INTS9: variants seen among roughly 807,000 people sequenced by gnomAD.
INTS9 encodes the protein protein related to CPSF subunits of 74 kDa.
INTS9 carries 55 observed loss-of-function variants against 79.7 expected under a neutral mutation model. The ratio of observed to expected loss-of-function variants is 0.69; its 90% CI spans 0.56 to 0.86. The LOEUF is 0.86. INTS9 is among the 40% of genes least tolerant of loss of function. INTS9 has a pLI of 0.00. For synonymous variants in INTS9, 319 were observed against 325.2 expected, an observed-to-expected ratio of 0.98 and a Z score of 0.20; for missense variants, 721 against 831.5, an observed-to-expected ratio of 0.87 and a Z score of 1.64.
chr8:28,842,221 A>G (rs1047162089), intron 4 of INTS9, among the ~76,000 whole-genome samples: 2 of 152,190 alleles, frequency 1.3e-5, no homozygotes, highest in African/African-American at 4.8e-5. Context: ...AGGAGGAGGA[A>G]GACGAGGGGT....
intron 6 of INTS9, among the ~76,000 whole-genome samples, chr8:28,827,236 T>C (rs1806198068): frequency 1.3e-5 from 2 of 152,258 alleles, no homozygotes; most frequent in East Asian, 3.8e-4. Flanking sequence ...GATTTCATTG[T>C]TTTGCTTTGT....
At chr8:28,773,258 T>C (rs1269004495) in intron 14 of INTS9, among the ~76,000 whole-genome samples, 3 of 152,040 alleles carry the variant, frequency 2.0e-5, no homozygotes, top group Non-Finnish European at 4.4e-5. Context: ...GGTCAGGAGA[T>C]TGAGACCATC....
At chr8:28,768,903 C>G (rs758152576) in intron 16 of INTS9, among the ~76,000 whole-genome samples, 2 of 152,190 alleles carry the variant, frequency 1.3e-5, no homozygotes, top group Non-Finnish European at 2.9e-5. Flanking sequence ...GCTGCAGGCT[C>G]CCCTAGGGAC....
intron 1 of INTS9, among the ~76,000 whole-genome samples, chr8:28,880,476 G>T (rs1809665841): frequency 6.6e-6 from 1 of 152,070 alleles, no homozygotes; most frequent in Admixed American, 6.5e-5. Flanking sequence ...GGCCGGGCTG[G>T]TCTCCAGCTC....
intron 10 of INTS9, among the ~76,000 whole-genome samples, chr8:28,793,415 A>C (rs556558981): frequency 6.6e-6 from 1 of 152,302 alleles, no homozygotes; most frequent in East Asian, 1.9e-4. Flanking sequence ...AATTTTTAAA[A>C]ATCTAGTTTT....
At chr8:28,886,689 C>G (rs1171137761) in intron 1 of INTS9, among the ~76,000 whole-genome samples, 2 of 152,118 alleles carry the variant, frequency 1.3e-5, no homozygotes, top group Non-Finnish European at 2.9e-5. Flanking sequence ...CCTACCCTCA[C>G]TAAATAACAG....
intron 1 of INTS9, among the ~76,000 whole-genome samples, chr8:28,872,217 T>G (rs148096962): frequency 1.3e-5 from 2 of 152,224 alleles, no homozygotes; most frequent in African/African-American, 4.8e-5. Flanking sequence ...ACTTAGGAAT[T>G]TACAATAAAC....
intron 8 of INTS9, among the ~76,000 whole-genome samples, chr8:28,805,675 G>A (rs1299360552): frequency 2.0e-5 from 3 of 152,188 alleles, no homozygotes; most frequent in Non-Finnish European, 4.4e-5. Context: ...TAGGGGAGAT[G>A]AGGACAGTGT....
chr8:28,800,078 G>A (rs967810551), intron 8 of INTS9, among the ~76,000 whole-genome samples: 8 of 152,152 alleles, frequency 5.3e-5, no homozygotes, highest in Non-Finnish European at 1.0e-4. Flanking sequence ...ACTCCAAACT[G>A]AAAGTACTAT....
At chr8:28,882,959 C>A (rs149579313) in intron 1 of INTS9, among the ~76,000 whole-genome samples, 1 of 152,232 alleles carries the variant, frequency 6.6e-6, no homozygotes, top group African/African-American at 2.4e-5. Flanking sequence ...GACTTTCAAG[C>A]CAGTGCCTTT....
At chr8:28,885,295 A>C (rs1471880753) in intron 1 of INTS9, among the ~76,000 whole-genome samples, 1 of 152,248 alleles carries the variant, frequency 6.6e-6, no homozygotes, top group Non-Finnish European at 1.5e-5. Context: ...TAGTATAACA[A>C]GCATTTAAAT....
intron 6 of INTS9, among the ~76,000 whole-genome samples, chr8:28,827,347 C>A (rs1806209794): frequency 6.6e-6 from 1 of 152,016 alleles, no homozygotes; most frequent in Admixed American, 6.5e-5. Context: ...AAAAGCAGCA[C>A]ACTTTTGTGT....
intron 7 of INTS9, 132 bp downstream of exon 7, chr8:28,813,360 A>G (rs1585397916): frequency 2.3e-6 from 2 of 881,894 alleles, no homozygotes; most frequent in Non-Finnish European, 3.6e-6. Flanking sequence ...GGAACGGAGG[A>G]AAGAACAGAG....
intron 1 of INTS9, among the ~76,000 whole-genome samples, chr8:28,887,218 T>C (rs528577722): frequency 2.6e-5 from 4 of 152,350 alleles, no homozygotes; most frequent in African/African-American, 9.6e-5. Flanking sequence ...TGGAACATAT[T>C]CAACCAAGTT....
chr8:28,771,725 C>T (rs992635671), intron 14 of INTS9, among the ~76,000 whole-genome samples: 1 of 152,236 alleles, frequency 6.6e-6, no homozygotes, highest in African/African-American at 2.4e-5. Flanking sequence ...GCAGGGTGTG[C>T]GCCAGATCCC....
Position 28,767,915 on chromosome 8 carries a change from GA to G in INTS9, c.*230del, listed in dbSNP as rs1802302473. On this transcript the variant is annotated 3_prime_UTR_variant, in exon 17 of 17. Coordinates refer to ENST00000521022, the MANE Select transcript of INTS9 (RefSeq NM_018250.4). ...TCTGCCACCCTCCAGCTCCTTGAGA[GA>G]GCCAGAGTTGAGAAGAAAATGAGCC... The G allele has an allele frequency of 1.9e-6, 1 of 519,732 alleles. No individual in the cohort carries two copies. The highest frequency in any genetic ancestry group is 3.3e-5 in the Admixed American group (1 of 30,682). 32.2% of individuals were successfully genotyped at this position (519,732 alleles called of 1,614,324 possible).
intron 6 of INTS9, among the ~76,000 whole-genome samples, chr8:28,817,497 G>C (rs369124197): frequency 2.4e-4 from 37 of 152,168 alleles, no homozygotes; most frequent in Middle Eastern, 3.4e-3. Context: ...GGGCTCTGTT[G>C]TGTTCCATTG....
At chr8:28,778,204 G>A (rs1223675740) in intron 12 of INTS9, among the ~76,000 whole-genome samples, 2 of 152,128 alleles carry the variant, frequency 1.3e-5, no homozygotes, top group Non-Finnish European at 2.9e-5. Flanking sequence ...ATGTGGGGGA[G>A]AAAAGAAAGC....
chr8:28,846,325 T>C (rs1479668537), intron 4 of INTS9, among the ~76,000 whole-genome samples: 1 of 152,078 alleles, frequency 6.6e-6, no homozygotes, highest in African/African-American at 2.4e-5. Flanking sequence ...TTTCAAACAA[T>C]ATTCAATATG....
Sources: allele counts gnomAD v4.1 joint callset (sites outside exome capture counted in the v4.1 genomes callset), GRCh38; gene constraint gnomAD v4.1.1; transcripts MANE v1.5; gene names NCBI Gene and HGNC (gene_info 2026-07-23, HGNC 2026-07-21).